The following BMPR2 variants were observed in gnomAD, a reference collection of about 807,000 sequenced individuals.
BMPR2 encodes bone morphogenetic protein receptor type 2.
BMPR2 carries 29 observed loss-of-function variants against 100.8 expected under a neutral mutation model. The ratio of observed to expected loss-of-function variants is 0.29; its 90% CI spans 0.21 to 0.39. The LOEUF (loss-of-function observed/expected upper bound fraction) is 0.39. BMPR2 is among the 10% of genes least tolerant of loss of function. The probability of loss-of-function intolerance (pLI) is 1.00; values close to 1 mark genes in which losing one functional copy is unlikely to be tolerated. For synonymous variants in BMPR2, 382 were observed against 442.3 expected, an observed-to-expected ratio of 0.86 and a Z score of 1.71; for missense variants, 1,011 against 1,274.5, an observed-to-expected ratio of 0.79 and a Z score of 3.15.
chr2:202,512,412 C>A (rs977228395), intron 3 of BMPR2, among the ~76,000 whole-genome samples: 4 of 152,226 alleles, frequency 2.6e-5, no homozygotes, highest in African/African-American at 9.6e-5. Flanking sequence ...TTAGACAGGT[C>A]TGTTTATAAG....
At chr2:202,550,374 CAAAAAAA>C (rs71035016) in intron 10 of BMPR2, among the ~76,000 whole-genome samples, 10 of 94,260 alleles carry the variant, frequency 1.1e-4, no homozygotes, top group African/African-American at 1.6e-4. Flanking sequence ...CTCCTATCTC[CAAAAAAA>C]AAAAAAAAAA....
chr2:202,533,339 G>C (rs1027445654), intron 9 of BMPR2, among the ~76,000 whole-genome samples: 20 of 151,710 alleles, frequency 1.3e-4, no homozygotes, highest in African/African-American at 4.8e-4. Context: ...ATCACCTGAG[G>C]TCAGGAGTTC....
chr2:202,423,435 A>G (rs1691311686), intron 1 of BMPR2, among the ~76,000 whole-genome samples: 1 of 152,150 alleles, frequency 6.6e-6, no homozygotes, highest in Non-Finnish European at 1.5e-5. Flanking sequence ...AGAGAACAGC[A>G]TCTTGCTTCT....
intron 1 of BMPR2, among the ~76,000 whole-genome samples, chr2:202,430,037 A>G (rs939801210): frequency 5.9e-5 from 9 of 152,200 alleles, no homozygotes; most frequent in African/African-American, 2.2e-4. Context: ...ACTTTCTTCC[A>G]ATGTGGAGGC....
At chr2:202,384,255 C>T (rs181750755) in intron 1 of BMPR2, among the ~76,000 whole-genome samples, 1 of 152,348 alleles carries the variant, frequency 6.6e-6, no homozygotes, top group Admixed American at 6.5e-5. Context: ...TGTACCTTAA[C>T]CCTGCCTTGT....
At chr2:202,382,976 C>T (rs537951582) in intron 1 of BMPR2, among the ~76,000 whole-genome samples, 1 of 152,334 alleles carries the variant, frequency 6.6e-6, no homozygotes, top group South Asian at 2.1e-4. Context: ...ACTACTGGAT[C>T]TAAGATTCTT....
At chr2:202,453,375 C>T (rs1175940940) in intron 1 of BMPR2, among the ~76,000 whole-genome samples, 1 of 152,078 alleles carries the variant, frequency 6.6e-6, no homozygotes, top group Non-Finnish European at 1.5e-5. Flanking sequence ...TTTACTTCAC[C>T]ATTGTTCACA....
intron 3 of BMPR2, among the ~76,000 whole-genome samples, chr2:202,468,833 T>C (rs1692375896): frequency 6.6e-6 from 1 of 152,124 alleles, no homozygotes; most frequent in African/African-American, 2.4e-5. Flanking sequence ...TAGGCTGTCT[T>C]GTATAGGACT....
At chr2:202,403,778 G>A (rs1574429890) in intron 1 of BMPR2, among the ~76,000 whole-genome samples, 1 of 152,194 alleles carries the variant, frequency 6.6e-6, no homozygotes, top group South Asian at 2.1e-4. Flanking sequence ...AGTCCAAGGC[G>A]GGTGATCACA....
intron 7 of BMPR2, chr2:202,520,788 A>G (rs1687806354): frequency 6.4e-6 from 1 of 155,522 alleles, no homozygotes; most frequent in East Asian, 1.9e-4. Flanking sequence ...AAGTTTGCCT[A>G]CCTGGGGCAC....
intron 1 of BMPR2, among the ~76,000 whole-genome samples, chr2:202,456,370 G>A (rs1692104726): frequency 6.6e-6 from 1 of 151,142 alleles, no homozygotes; most frequent in Admixed American, 6.6e-5. Flanking sequence ...AGTAGCGATG[G>A]GGTTTCACCA....
intron 1 of BMPR2, among the ~76,000 whole-genome samples, chr2:202,400,087 C>G (rs571120912): frequency 2.0e-4 from 31 of 152,150 alleles, no homozygotes; most frequent in South Asian, 1.0e-3. Flanking sequence ...GCCCTCCAGC[C>G]TGGGTGACGG....
intron 1 of BMPR2, among the ~76,000 whole-genome samples, chr2:202,457,487 G>A (rs1372601109): frequency 1.4e-5 from 2 of 147,970 alleles, no homozygotes; most frequent in Admixed American, 1.4e-4. Flanking sequence ...ATGACATAAA[G>A]ATCAATTATT....
chr2:202,465,392 A>G (rs1302361551), intron 2 of BMPR2, among the ~76,000 whole-genome samples: 1 of 151,610 alleles, frequency 6.6e-6, no homozygotes, highest in African/African-American at 2.4e-5. Flanking sequence ...CATCTCAAAG[A>G]AAAAAAAAGT....
chr2:202,427,395 G>C (rs1691409589), intron 1 of BMPR2, among the ~76,000 whole-genome samples: 1 of 148,588 alleles, frequency 6.7e-6, no homozygotes, highest in African/African-American at 2.5e-5. Context: ...AGGTATATTG[G>C]ATTTAGTGAA....
rs993215507 is a variant in BMPR2 at position 202,532,864 on chromosome 2, A to C, written c.1276+132A>C. The C allele has an allele frequency of 9.2e-5, 103 of 1,116,832 alleles. No homozygotes were observed. Among genetic ancestry groups the C allele is most frequent in the Non-Finnish European group, 1.2e-4 (94 of 792,326 alleles). 69.2% of individuals were successfully genotyped at this position (1,116,832 alleles called of 1,614,324 possible). A position where few individuals can be genotyped will look rare whatever the true frequency, so the allele number is the denominator to read the frequency against. On this transcript the variant is annotated intron_variant, in intron 9 of 12. Coordinates refer to ENST00000374580, the MANE Select transcript of BMPR2 (RefSeq NM_001204.7). The surrounding 1 kb of genome is among the most constrained non-coding windows in gnomAD (Gnocchi z 4.1). ...TCATTTAAACCTTTAGTTCATTGCT[A>C]TCTAGTGTTTAGAAACATTATTAGC... is the stretch of plus-strand genomic sequence containing the variant.
intron 7 of BMPR2, among the ~76,000 whole-genome samples, 154 bp from the exon 8 acceptor site, chr2:202,530,640 G>A (rs369205044): frequency 6.6e-6 from 1 of 152,076 alleles, no homozygotes; most frequent in African/African-American, 2.4e-5. Flanking sequence ...TTAGAAAATA[G>A]TGATGAGTGT....
chr2:202,538,444 G>A (rs2949957), intron 9 of BMPR2, among the ~76,000 whole-genome samples: 42,607 of 151,224 alleles, frequency 0.28, 5,966 homozygotes, highest in Middle Eastern at 0.32. Context: ...GCAACAGAGC[G>A]AGACTCCATC....
chr2:202,460,331 T>G (rs1179383345), intron 1 of BMPR2, among the ~76,000 whole-genome samples: 1 of 152,182 alleles, frequency 6.6e-6, no homozygotes, highest in Non-Finnish European at 1.5e-5. Flanking sequence ...TAAAAAAGAA[T>G]TCTTAAAGGT....
Sources: allele counts gnomAD v4.1 joint callset (sites outside exome capture counted in the v4.1 genomes callset), GRCh38; gene constraint gnomAD v4.1.1; non-coding constraint Gnocchi (gnomAD v3.1); transcripts MANE v1.5; gene names NCBI Gene and HGNC (gene_info 2026-07-23, HGNC 2026-07-21).